MBNL1: variants seen among roughly 807,000 people sequenced by gnomAD.
MBNL1 encodes the protein muscleblind like splicing regulator 1, also known as muscleblind-like protein 1.
A neutral mutation model predicts 42.2 loss-of-function variants in MBNL1; 8 were observed. The observed-to-expected ratio is 0.19, with a 90% CI of 0.11 to 0.34. The LOEUF (loss-of-function observed/expected upper bound fraction) is 0.34, where lower values mean the gene tolerates loss of function less well. MBNL1 is among the 10% of genes least tolerant of loss of function. The pLI is 1.00. For missense variants in MBNL1, 309 were observed against 495.3 expected (o/e 0.62, Z 3.57); for synonymous variants, 169 against 173.9 (o/e 0.97, Z 0.22).
intron 2 of MBNL1, among the ~76,000 whole-genome samples, chr3:152,303,046 C>T (rs1250198269): frequency 8.0e-5 from 12 of 149,258 alleles, no homozygotes. Flanking sequence ...ATAAGTCAAA[C>T]AGTTCAAGAA....
At chr3:152,289,007 G>A (rs1451570056) in intron 1 of MBNL1, among the ~76,000 whole-genome samples, 5 of 152,034 alleles carry the variant, frequency 3.3e-5, no homozygotes, top group Non-Finnish European at 7.4e-5. Flanking sequence ...TGTAGATAAA[G>A]TACAGCATAG....
intron 2 of MBNL1, among the ~76,000 whole-genome samples, chr3:152,400,941 G>C (rs191077608): frequency 1.3e-5 from 2 of 152,296 alleles, no homozygotes; most frequent in African/African-American, 4.8e-5. Context: ...AAACCAACCT[G>C]TGGTCTTCAG....
At chr3:152,332,626 C>A (rs2085523220) in intron 2 of MBNL1, among the ~76,000 whole-genome samples, 1 of 151,340 alleles carries the variant, frequency 6.6e-6, no homozygotes, top group Admixed American at 6.6e-5. Context: ...CAGCTTATGG[C>A]TAAATTCTGA....
chr3:152,427,893 ATTAT>A (rs1354080694), intron 3 of MBNL1, among the ~76,000 whole-genome samples: 1 of 151,714 alleles, frequency 6.6e-6, no homozygotes, highest in Non-Finnish European at 1.5e-5. Context: ...TTGATTACAT[ATTAT>A]TTGTTACATA....
chr3:152,459,395 A>G, intron 9 of MBNL1, 50 bp downstream of exon 9: 7 of 1,103,596 alleles, frequency 6.3e-6, no homozygotes, highest in Non-Finnish European at 9.0e-6. Flanking sequence ...GGTTTTTTTT[A>G]AGATAGCAAT....
chr3:152,294,302 G>A (rs1271354138), intron 1 of MBNL1, among the ~76,000 whole-genome samples: 1 of 52,928 alleles, frequency 1.9e-5, no homozygotes, highest in Non-Finnish European at 3.9e-5. Flanking sequence ...TTTTTTTTTT[G>A]AGGCAGAGTC....
intron 2 of MBNL1, among the ~76,000 whole-genome samples, chr3:152,401,543 G>C (rs993286413): frequency 6.6e-6 from 1 of 152,122 alleles, no homozygotes; most frequent in Admixed American, 6.5e-5. Context: ...ACTGTTTCTT[G>C]AACACAATTT....
chr3:152,439,608 A>G (rs1384106556), intron 4 of MBNL1, among the ~76,000 whole-genome samples: 1 of 152,240 alleles, frequency 6.6e-6, no homozygotes. Context: ...ATGTAGTCAC[A>G]TCTTCATTTA....
rs1444372176 is a variant in MBNL1 at position 152,312,074 on chromosome 3, C to T, written c.174+11707C>T. 3.3e-5 allele frequency among the ~76,000 whole-genome samples: 5 copies of T among 150,898 alleles called. No homozygotes were observed. In the East Asian group the frequency reaches 9.7e-4, roughly 29 times the overall value. ...GGGCGTAGTGGCGGGCGCCTGTAGT[C>T]CCAGCTACTTGGGAGGCTGAGGCGG... On this transcript the variant is annotated intron_variant, in intron 2 of 9. Transcript: ENST00000324210.
chr3:152,270,834 A>G (rs1020158999), intron 1 of MBNL1, among the ~76,000 whole-genome samples: 2 of 152,142 alleles, frequency 1.3e-5, no homozygotes, highest in African/African-American at 4.8e-5. Context: ...TTCTTTGAAA[A>G]TGTAGGCATA....
chr3:152,412,317 A>T lies in MBNL1; in HGVS notation c.175-2624A>T, dbSNP rs935906698. ...CAAATGAAAATTTATCTGGCTTTGC[A>T]CAATTGTATTTTGTAGTGTTTTCTG... On this transcript the variant is annotated intron_variant, in intron 2 of 9. Coordinates refer to ENST00000324210, the MANE Select transcript of MBNL1 (RefSeq NM_021038.5). Among the ~76,000 whole-genome samples, 17 of 152,282 alleles carry T rather than the reference A, an allele frequency of 1.1e-4. 1 individual carries two copies. Among genetic ancestry groups the T allele is most frequent in the Admixed American group, 9.2e-4 (14 of 15,300 alleles).
intron 2 of MBNL1, among the ~76,000 whole-genome samples, chr3:152,317,893 T>A (rs1002613970): frequency 3.9e-5 from 6 of 152,242 alleles, no homozygotes; most frequent in African/African-American, 1.4e-4. Context: ...CTTAAATGTA[T>A]ACAGATTTTC....
Position 152,428,545 on chromosome 3 carries a change from T to C in MBNL1, c.346-4172T>C, listed in dbSNP as rs544771794. ...ACAGATTGGCTAGGCACAGGTAGCATTCAATGTGGAGGATAAACCATGTTT... is the reference window on the plus strand; with the variant it reads ...ACAGATTGGCTAGGCACAGGTAGCACTCAATGTGGAGGATAAACCATGTTT... On this transcript the variant is annotated intron_variant, in intron 3 of 9. Coordinates refer to ENST00000324210, the MANE Select transcript of MBNL1 (RefSeq NM_021038.5). Among the ~76,000 whole-genome samples the C allele has an allele frequency of 2.8e-4, 43 of 152,328 alleles. No individual in the cohort carries two copies. In the South Asian group the frequency reaches 5.4e-3, roughly 19 times the overall value.
In MBNL1 at chr3:152,292,044, T is replaced by A. The variant is rs1012107943; in HGVS notation, c.-789-7361T>A. Among the ~76,000 whole-genome samples, 3 of 152,222 alleles carry A rather than the reference T, an allele frequency of 2.0e-5. No homozygotes were observed. In the South Asian group the frequency reaches 6.2e-4, roughly 31 times the overall value. On this transcript the variant is annotated intron_variant, in intron 1 of 9. Transcript: ENST00000324210. ...TACTTCTCTCAAAACGAGTCTGGAC[T>A]GCTGTTGGGAGGAACAGAAGGTTGG... is the stretch of plus-strand genomic sequence containing the variant.
intron 2 of MBNL1, among the ~76,000 whole-genome samples, chr3:152,353,800 C>A (rs1227606893): frequency 6.6e-6 from 1 of 151,562 alleles, no homozygotes; most frequent in Non-Finnish European, 1.5e-5. Context: ...ATCTCTGCAG[C>A]CCACCCACTG....
chr3:152,420,253 C>T lies in MBNL1; in HGVS notation c.345+5142C>T, dbSNP rs145787335. Among the ~76,000 whole-genome samples, 962 of 152,304 alleles carry T rather than the reference C, an allele frequency of 6.3e-3. 9 individuals are homozygous for T. Among genetic ancestry groups the T allele is most frequent in the African/African-American group, 0.022 (916 of 41,566 alleles). On this transcript the variant is annotated intron_variant, in intron 3 of 9. Coordinates refer to ENST00000324210, the MANE Select transcript of MBNL1 (RefSeq NM_021038.5). ...GCAGCAGATCTCCCACCTAGCACAG[C>T]GCTTGAACTCTGCTAAGGGACAGAC...
intron 2 of MBNL1, among the ~76,000 whole-genome samples, chr3:152,407,899 T>C (rs2098471331): frequency 6.6e-6 from 1 of 152,130 alleles, no homozygotes; most frequent in African/African-American, 2.4e-5. Flanking sequence ...AAACACCACA[T>C]GTTCCCACTT....
chr3:152,358,831 A>G (rs2095716893), intron 2 of MBNL1, among the ~76,000 whole-genome samples: 1 of 152,050 alleles, frequency 6.6e-6, no homozygotes, highest in Non-Finnish European at 1.5e-5. Context: ...GCTGGTCTCA[A>G]ACTCCTGGGC....
intron 8 of MBNL1, 27 bp downstream of exon 8, chr3:152,456,388 T>TA (rs1560678483): frequency 6.3e-7 from 1 of 1,586,470 alleles, no homozygotes; most frequent in Non-Finnish European, 8.7e-7. Flanking sequence ...CTTTGTTTCT[T>TA]AAAAAACAAC....
Sources: gnomAD v4.1 joint callset for allele counts (sites outside exome capture counted in the v4.1 genomes callset) on GRCh38, gnomAD v4.1.1 for gene constraint, MANE v1.5 for transcripts, NCBI Gene and HGNC (gene_info 2026-07-23, HGNC 2026-07-21) for gene names.